The following PTPRR variants were observed in gnomAD, a reference collection of about 807,000 sequenced individuals.
PTPRR encodes the protein receptor-type tyrosine-protein phosphatase R.
A neutral mutation model predicts 77.2 loss-of-function variants in PTPRR; 38 were observed. That is an observed-to-expected ratio of 0.49 (90% confidence interval 0.38 to 0.65). PTPRR has a LOEUF of 0.65. PTPRR is among the 30% of genes least tolerant of loss of function. The probability of loss-of-function intolerance (pLI) is 0.00; values close to 1 mark genes in which losing one functional copy is unlikely to be tolerated. For synonymous variants in PTPRR, 299 were observed against 283.1 expected, an observed-to-expected ratio of 1.06 and a Z score of -0.57; for missense variants, 744 against 799.2, an observed-to-expected ratio of 0.93 and a Z score of 0.83.
chr12:70,918,611 C>T (rs1237269835), intron 1 of PTPRR, among the ~76,000 whole-genome samples: 1 of 152,140 alleles, frequency 6.6e-6, no homozygotes, highest in Non-Finnish European at 1.5e-5. Flanking sequence ...TAAATCAAGA[C>T]ATGTTTTTCA....
Position 70,857,470 on chromosome 12 carries a change from T to G in PTPRR, c.357+35209A>C, listed in dbSNP as rs189863086. ...AAAGTAGAGAATGAGGATAGACTAC[T>G]CTTTCAAGGTGCCTGACTTTGAGGC... On this transcript the variant is annotated intron_variant, in intron 2 of 13. Coordinates refer to ENST00000283228, the MANE Select transcript of PTPRR (RefSeq NM_002849.4). Among the ~76,000 whole-genome samples the G allele has an allele frequency of 1.3e-3, 203 of 152,308 alleles. 2 individuals are homozygous for G. The highest frequency in any genetic ancestry group is 4.8e-3 in the African/African-American group (198 of 41,566).
chr12:70,914,324 A>G (rs1467222808), intron 1 of PTPRR, among the ~76,000 whole-genome samples: 1 of 152,220 alleles, frequency 6.6e-6, no homozygotes, highest in African/African-American at 2.4e-5. Context: ...AGATAGCTGT[A>G]TTAAAGAATT....
intron 6 of PTPRR, among the ~76,000 whole-genome samples, chr12:70,730,790 C>A (rs1304158671): frequency 6.6e-6 from 1 of 151,518 alleles, no homozygotes; most frequent in Non-Finnish European, 1.5e-5. Flanking sequence ...TGCCACGCCA[C>A]TCCAGCTTGG....
At chr12:70,914,409 T>C (rs778853267) in intron 1 of PTPRR, among the ~76,000 whole-genome samples, 4 of 152,180 alleles carry the variant, frequency 2.6e-5, no homozygotes, top group Non-Finnish European at 5.9e-5. Context: ...ATAAATTTGA[T>C]AGGAGGTCAT....
intron 2 of PTPRR, among the ~76,000 whole-genome samples, chr12:70,792,338 A>T (rs1307691588): frequency 6.6e-6 from 1 of 152,196 alleles, no homozygotes; most frequent in African/African-American, 2.4e-5. Flanking sequence ...ACAACTAATA[A>T]ATGGCAGAAT....
chr12:70,795,859 C>T (rs1021915472), intron 2 of PTPRR, among the ~76,000 whole-genome samples: 2 of 139,190 alleles, frequency 1.4e-5, no homozygotes, highest in Non-Finnish European at 3.1e-5. Context: ...TGCTAAATAA[C>T]AAACTGTCAG....
At chr12:70,835,975 C>T (rs1269013365) in intron 2 of PTPRR, among the ~76,000 whole-genome samples, 1 of 152,022 alleles carries the variant, frequency 6.6e-6, no homozygotes, top group South Asian at 2.1e-4. Context: ...ACAAGCTCTC[C>T]CTCATACTTG....
At chr12:70,732,625 A>G (rs1248171714) in intron 6 of PTPRR, among the ~76,000 whole-genome samples, 1 of 151,916 alleles carries the variant, frequency 6.6e-6, no homozygotes, top group African/African-American at 2.4e-5. Flanking sequence ...CAGTGGCATG[A>G]TCTCAGCTCA....
At chr12:70,732,511 C>T (rs1392400777) in intron 6 of PTPRR, among the ~76,000 whole-genome samples, 1 of 152,190 alleles carries the variant, frequency 6.6e-6, no homozygotes, top group African/African-American at 2.4e-5. Context: ...CTGCCAGCAC[C>T]ACAGGCTTCT....
intron 6 of PTPRR, among the ~76,000 whole-genome samples, chr12:70,718,956 T>C (rs1400287066): frequency 6.6e-6 from 1 of 152,194 alleles, no homozygotes; most frequent in East Asian, 1.9e-4. Context: ...ATTCTCCATG[T>C]CAGATGAGGA....
At chr12:70,861,515 G>A (rs926986850) in intron 2 of PTPRR, among the ~76,000 whole-genome samples, 7 of 152,224 alleles carry the variant, frequency 4.6e-5, no homozygotes, top group Non-Finnish European at 5.9e-5. Flanking sequence ...TTATAAAAGC[G>A]TAAGAAGGAT....
chr12:70,905,885 A>C (rs553207073), intron 1 of PTPRR, among the ~76,000 whole-genome samples: 1 of 152,058 alleles, frequency 6.6e-6, no homozygotes, highest in Admixed American at 6.6e-5. Flanking sequence ...TTGAAAAGAC[A>C]ATCATTGTTT....
intron 2 of PTPRR, among the ~76,000 whole-genome samples, chr12:70,830,886 G>A (rs1427868108): frequency 1.3e-5 from 2 of 152,188 alleles, no homozygotes; most frequent in African/African-American, 2.4e-5. Context: ...ACTAGTCTAA[G>A]GTCCATGAAG....
At chr12:70,712,453 C>T (rs1888859822) in intron 6 of PTPRR, among the ~76,000 whole-genome samples, 1 of 150,732 alleles carries the variant, frequency 6.6e-6, no homozygotes, top group South Asian at 2.1e-4. Context: ...TTTCTGGGTC[C>T]TTCCTCATCC....
At chr12:70,812,847 C>T (rs139423192) in intron 2 of PTPRR, among the ~76,000 whole-genome samples, 23 of 152,268 alleles carry the variant, frequency 1.5e-4, no homozygotes, top group African/African-American at 5.3e-4. Context: ...TTAAAAATTT[C>T]ACTGAATAGA....
At chr12:70,865,658 C>T (rs1592801520) in intron 2 of PTPRR, among the ~76,000 whole-genome samples, 1 of 152,174 alleles carries the variant, frequency 6.6e-6, no homozygotes, top group African/African-American at 2.4e-5. Flanking sequence ...TCAAAGTTTT[C>T]TAATATATAT....
At chr12:70,719,639 G>A in intron 6 of PTPRR, among the ~76,000 whole-genome samples, 1 of 152,074 alleles carries the variant, frequency 6.6e-6, no homozygotes, top group East Asian at 1.9e-4. Context: ...TTACTAACAA[G>A]CGATAAAAGG....
chr12:70,650,454 T>A (rs146671808), intron 13 of PTPRR, among the ~76,000 whole-genome samples: 25 of 89,944 alleles, frequency 2.8e-4, no homozygotes, highest in East Asian at 1.5e-3. Context: ...CAAAACAAAA[T>A]ATATATATAT....
intron 10 of PTPRR, among the ~76,000 whole-genome samples, chr12:70,667,151 T>A (rs35412654): frequency 0.19 from 29,411 of 151,238 alleles, 4,079 homozygotes; most frequent in African/African-American, 0.4. Flanking sequence ...AGAGACGGAG[T>A]TTCACCGTGT....
Sources: allele counts gnomAD v4.1 joint callset (sites outside exome capture counted in the v4.1 genomes callset), GRCh38; gene constraint gnomAD v4.1.1; transcripts MANE v1.5; gene names NCBI Gene and HGNC (gene_info 2026-07-23, HGNC 2026-07-21).